RILPL2: variants seen among roughly 807,000 people sequenced by gnomAD.
RILPL2 encodes the protein Rab interacting lysosomal protein like 2, also known as RILP-like protein 2.
In RILPL2, 19 loss-of-function variants were observed where a neutral mutation model predicts 22.2. That is an observed-to-expected ratio of 0.86 (90% CI 0.60 to 1.25). The LOEUF (loss-of-function observed/expected upper bound fraction) is 1.25, where lower values mean the gene tolerates loss of function less well. Among genes scored for constraint, RILPL2 ranks in the 50% most tolerant of loss-of-function variants. RILPL2 has a pLI of 0.00. For synonymous variants in RILPL2, 123 were observed against 111.6 expected, an observed-to-expected ratio of 1.10 and a Z score of -0.64; for missense variants, 243 against 263.6, an observed-to-expected ratio of 0.92 and a Z score of 0.54.
chr12:123,418,665 T>A (rs1175045226), intron 3 of RILPL2, among the ~76,000 whole-genome samples: 1 of 151,988 alleles, frequency 6.6e-6, no homozygotes, highest in Non-Finnish European at 1.5e-5. Context: ...AGAGGGCACA[T>A]ATCAGTGTGG....
At chr12:123,416,496 G>A (rs868803829) in intron 3 of RILPL2, among the ~76,000 whole-genome samples, 12 of 151,798 alleles carry the variant, frequency 7.9e-5, no homozygotes, top group South Asian at 2.1e-4. Flanking sequence ...AAAATTAGCC[G>A]GGTGTGGTGG....
chr12:123,436,145 C>G lies in RILPL2; in HGVS notation c.276G>C (p.Glu92Asp). 6.2e-7 allele frequency: 1 copy of G among 1,602,688 alleles called. No homozygotes were observed. The highest frequency in any genetic ancestry group is 8.5e-7 in the Non-Finnish European group (1 of 1,175,174). Residue 92 changes from glutamate (E) to aspartate (D), a missense_variant, in exon 1 of 4, where the codon GAG becomes GAC. Coordinates refer to ENST00000280571, the MANE Select transcript of RILPL2 (RefSeq NM_145058.3). The surrounding 1 kb of genome is among the most constrained non-coding windows in gnomAD (Gnocchi z 6.7). The part of the protein sequence containing the change: ...GSLALEELKM[E>D]RDHLRKEVEG... Reference sequence around the variant, plus strand: ...CCACCTCCTTCCTGAGGTGGTCCCTCTCCATCTTCAGCTCCTCCAGCGCCA... The same window carrying G: ...CCACCTCCTTCCTGAGGTGGTCCCTGTCCATCTTCAGCTCCTCCAGCGCCA...
intron 2 of RILPL2, among the ~76,000 whole-genome samples, chr12:123,429,698 C>G (rs1279761035): frequency 6.6e-6 from 1 of 151,816 alleles, no homozygotes; most frequent in Non-Finnish European, 1.5e-5. Context: ...CTTCTGCCTC[C>G]TAGGTTCAAG....
chr12:123,430,859 C>T (rs1163347650), intron 1 of RILPL2, among the ~76,000 whole-genome samples, 200 bp from the exon 2 acceptor site: 14 of 152,064 alleles, frequency 9.2e-5, no homozygotes, highest in Admixed American at 5.9e-4. Context: ...CCATCACGCC[C>T]GGCTAATTTT....
chr12:123,427,184 C>T (rs1438827897), intron 2 of RILPL2, among the ~76,000 whole-genome samples: 1 of 152,224 alleles, frequency 6.6e-6, no homozygotes, highest in East Asian at 1.9e-4. Flanking sequence ...GGGCCATTGG[C>T]GGAGGGCTGT....
intron 2 of RILPL2, among the ~76,000 whole-genome samples, chr12:123,430,244 C>G (rs1342629336): frequency 5.0e-4 from 75 of 149,494 alleles, no homozygotes; most frequent in Middle Eastern, 3.4e-3. Flanking sequence ...TCCGTTTCTA[C>G]TAAAAATACA....
At chr12:123,418,200 T>G (rs1260664098) in intron 3 of RILPL2, among the ~76,000 whole-genome samples, 1 of 152,110 alleles carries the variant, frequency 6.6e-6, no homozygotes, top group African/African-American at 2.4e-5. Context: ...CCTCCCAAAG[T>G]GCTGGGATTA....
chr12:123,430,223 C>A (rs1198290586), intron 2 of RILPL2, among the ~76,000 whole-genome samples: 1 of 144,826 alleles, frequency 6.9e-6, no homozygotes, highest in Non-Finnish European at 1.5e-5. Context: ...TTCTGCCTAA[C>A]ACGGTGAAAC....
Position 123,415,926 on chromosome 12 carries a change from T to C in RILPL2, c.606-5A>G. ...TTCCCCGATCGAAAAAAGAACCTGG[T>C]GTGGAGAGAGAGAGGGTTCAGGGTA... is the stretch of plus-strand genomic sequence containing the variant. On this transcript the variant is annotated splice_polypyrimidine_tract_variant and splice_region_variant and intron_variant, in intron 3 of 3. Coordinates refer to ENST00000280571, the MANE Select transcript of RILPL2 (RefSeq NM_145058.3). 1 of 1,613,904 alleles carries C rather than the reference T, an allele frequency of 6.2e-7. No individual in the cohort carries two copies. Among genetic ancestry groups the C allele is most frequent in the South Asian group, 1.1e-5 (1 of 91,068 alleles).
downstream of RILPL2, chr12:123,413,062 G>A (rs1482956768): frequency 1.3e-5 from 2 of 152,554 alleles, no homozygotes; most frequent in Non-Finnish European, 2.9e-5. Flanking sequence ...CCAGTGTGGT[G>A]GCATATACCT....
intron 2 of RILPL2, among the ~76,000 whole-genome samples, chr12:123,429,214 C>T (rs1879527053): frequency 6.6e-6 from 1 of 151,632 alleles, no homozygotes; most frequent in Non-Finnish European, 1.5e-5. Context: ...GGCCTTGAAT[C>T]CCTGGGCTCA....
chr12:123,413,206 CA>C (rs1035340098), downstream of RILPL2: 6 of 163,614 alleles, frequency 3.7e-5, no homozygotes, highest in South Asian at 1.4e-4. Flanking sequence ...CACCACCCCC[CA>C]AAAAAAAGCC....
At chr12:123,429,387 C>T (rs1333447467) in intron 2 of RILPL2, among the ~76,000 whole-genome samples, 1 of 152,162 alleles carries the variant, frequency 6.6e-6, no homozygotes, top group Non-Finnish European at 1.5e-5. Context: ...CCTCCGCCTT[C>T]TGGTTTCAAG....
At chr12:123,416,512 G>A (rs896371806) in intron 3 of RILPL2, among the ~76,000 whole-genome samples, 7 of 151,080 alleles carry the variant, frequency 4.6e-5, no homozygotes, top group Middle Eastern at 3.5e-3. Context: ...GGTGGCGGGC[G>A]CCTGTAGTCC....
intron 3 of RILPL2, among the ~76,000 whole-genome samples, chr12:123,416,606 C>T (rs1280690024): frequency 3.3e-5 from 5 of 152,184 alleles, no homozygotes; most frequent in Non-Finnish European, 2.9e-5. Flanking sequence ...TGCCACTGCA[C>T]TCCAGCCTGG....
rs369780151 is a variant in RILPL2 at position 123,423,202 on chromosome 12, CG to C, written c.492-46del. On this transcript the variant is annotated intron_variant, in intron 2 of 3. Coordinates refer to ENST00000280571, the MANE Select transcript of RILPL2 (RefSeq NM_145058.3). The stretch of plus-strand genomic sequence containing the variant: ...ATAAATGGATTATTTTATTACAGAT[CG>C]TTTTTTTTTTTTTTTTGAGTTGGAG... 384 of 862,766 alleles carry C rather than the reference CG, an allele frequency of 4.5e-4. 1 individual carries two copies. The East Asian group carries it at 6.0e-3, about 13-fold the overall frequency. 53.4% of individuals were successfully genotyped at this position (862,766 alleles called of 1,614,324 possible).
At chr12:123,409,535 G>A in the RILPL2 span, among the ~76,000 whole-genome samples, 2 of 148,690 alleles carry the variant, frequency 1.3e-5, no homozygotes, top group African/African-American at 5.0e-5. Context: ...GGTATGTGAA[G>A]ATTAAAAGTT....
intron 2 of RILPL2, among the ~76,000 whole-genome samples, chr12:123,423,794 T>C (rs1029363856): frequency 6.6e-6 from 1 of 151,656 alleles, no homozygotes; most frequent in East Asian, 1.9e-4. Flanking sequence ...GCTGGGACTA[T>C]AGGCGCCCGC....
At chr12:123,412,285 G>A (rs1878995542), downstream of RILPL2, 1 of 152,340 alleles carries the variant, frequency 6.6e-6, no homozygotes, top group Admixed American at 6.6e-5. Flanking sequence ...GGGACTACAG[G>A]TGCTCACCAC....
Sources: allele counts gnomAD v4.1 joint callset (sites outside exome capture counted in the v4.1 genomes callset), GRCh38; gene constraint gnomAD v4.1.1; non-coding constraint Gnocchi (gnomAD v3.1); transcripts MANE v1.5; gene names NCBI Gene and HGNC (gene_info 2026-07-23, HGNC 2026-07-21).